NKD1: variants seen among roughly 807,000 people sequenced by gnomAD.
NKD1 encodes the protein protein naked cuticle homolog 1.
In NKD1, 21 loss-of-function variants were observed where a neutral mutation model predicts 56.0. The ratio of observed to expected loss-of-function variants is 0.38; its 90% CI spans 0.27 to 0.54. The LOEUF (loss-of-function observed/expected upper bound fraction) is 0.54, where lower values mean the gene tolerates loss of function less well. Among genes scored for constraint, NKD1 ranks in the 20% least tolerant of loss-of-function variants. NKD1 has a pLI of 0.82. For synonymous variants in NKD1, 263 were observed against 265.7 expected, an observed-to-expected ratio of 0.99 and a Z score of 0.10; for missense variants, 578 against 642.7, an observed-to-expected ratio of 0.90 and a Z score of 1.09.
intron 4 of NKD1, among the ~76,000 whole-genome samples, chr16:50,613,394 TG>T (rs1961890928): frequency 6.6e-6 from 1 of 151,824 alleles, no homozygotes; most frequent in African/African-American, 2.4e-5. Context: ...CCAGGAAGGC[TG>T]GGAGGAAGAG....
In NKD1 at chr16:50,644,254, T is replaced by C. The variant is rs529675737; in HGVS notation, c.*10473T>C. 8.5e-5 allele frequency: 13 copies of C among 152,344 alleles called. No individual in the cohort carries two copies. The highest frequency in any genetic ancestry group is 1.6e-4 in the Non-Finnish European group (11 of 68,022). 9.4% of individuals were successfully genotyped at this position (152,344 alleles called of 1,614,324 possible). A position where few individuals can be genotyped will look rare whatever the true frequency, so the allele number is the denominator to read the frequency against. ...GTATGTACTTATCTATGCCTCTAAT[T>C]ATTTGGTTTCCACCAAAGCACTTGT... On this transcript the variant is annotated 3_prime_UTR_variant, in exon 10 of 10. Transcript: ENST00000268459.
At chr16:50,626,487 T>C (rs930742394) in intron 6 of NKD1, among the ~76,000 whole-genome samples, 7 of 151,972 alleles carry the variant, frequency 4.6e-5, no homozygotes, top group African/African-American at 1.7e-4. Context: ...AGCTGAGACA[T>C]GCAGCATGCA....
At chr16:50,548,876 C>G (rs1960301781) in intron 2 of NKD1, 127 bp downstream of exon 2, 1 of 1,156,864 alleles carries the variant, frequency 8.6e-7, no homozygotes, top group South Asian at 2.3e-5. Flanking sequence ...GCCACCGGCC[C>G]CCCAAGCCCG....
Position 50,633,080 on chromosome 16 carries a change from T to TG in NKD1, c.824-106dup. ...AGGCAGTGAGGGGCAGTCAGGGCATTGGGGGGTAGCTCTGGTTTTGGAGAA... is the reference window on the plus strand; with the variant it reads ...AGGCAGTGAGGGGCAGTCAGGGCATTGGGGGGGTAGCTCTGGTTTTGGAGAA... On this transcript the variant is annotated intron_variant, in intron 9 of 9. Transcript: ENST00000268459. This position sits in a 1 kb window ranked among gnomAD's most constrained non-coding sequence, Gnocchi z 4.9. 1.0e-6 allele frequency: 1 copy of TG among 966,950 alleles called. No homozygotes were observed. Among genetic ancestry groups the TG allele is most frequent in the Non-Finnish European group, 1.5e-6 (1 of 674,934 alleles). The allele number at this position is 966,950 out of a possible 1,614,324, so 59.9% of individuals were successfully genotyped here.
At chr16:50,574,831 C>T in intron 3 of NKD1, 1 of 985,438 alleles carries the variant, frequency 1.0e-6, no homozygotes, top group Non-Finnish European at 1.2e-6. Flanking sequence ...AAACCAAATA[C>T]ATGAAACCAA....
At chr16:50,627,478 C>T (rs745633698) in intron 6 of NKD1, among the ~76,000 whole-genome samples, 8 of 152,168 alleles carry the variant, frequency 5.3e-5, no homozygotes, top group East Asian at 1.9e-4. Context: ...TTCCTCCCAC[C>T]GAGGAGCCAG....
intron 5 of NKD1, among the ~76,000 whole-genome samples, chr16:50,622,188 C>T (rs896842656): frequency 6.6e-6 from 1 of 152,186 alleles, no homozygotes; most frequent in Admixed American, 6.5e-5. Flanking sequence ...GGATGTGCCT[C>T]CGTGTGGCTC....
At chr16:50,599,537 T>G (rs547788563) in intron 3 of NKD1, among the ~76,000 whole-genome samples, 5 of 152,228 alleles carry the variant, frequency 3.3e-5, no homozygotes, top group Non-Finnish European at 7.3e-5. Context: ...CTAGGGCTGC[T>G]GGGAGCACTT....
At chr16:50,549,276 C>T in intron 2 of NKD1, 146 bp from the exon 3 acceptor site, 1 of 989,790 alleles carries the variant, frequency 1.0e-6, no homozygotes, top group Non-Finnish European at 1.5e-6. Flanking sequence ...GCGTCCCTCT[C>T]TTGGCTCCTG....
chr16:50,601,684 A>G (rs950916368), intron 3 of NKD1, among the ~76,000 whole-genome samples: 3 of 152,170 alleles, frequency 2.0e-5, no homozygotes, highest in Non-Finnish European at 2.9e-5. Flanking sequence ...GAGGGTTCCA[A>G]TTGGCTTGGC....
chr16:50,600,428 A>C (rs1396584500), intron 3 of NKD1, among the ~76,000 whole-genome samples: 2 of 151,990 alleles, frequency 1.3e-5, no homozygotes, highest in Non-Finnish European at 2.9e-5. Context: ...ATGCGACTGC[A>C]CTCCATCCTG....
rs575195522 is a variant in NKD1 at position 50,551,348 on chromosome 16, C to T, written c.192+1793C>T. 3.2e-3 allele frequency among the ~76,000 whole-genome samples: 487 copies of T among 152,298 alleles called. 1 individual carries two copies. Among genetic ancestry groups the T allele is most frequent in the Non-Finnish European group, 5.4e-3 (370 of 68,032 alleles). ...ACAGCATGGGATGGTGCCTGTCCCC[C>T]TCTCTCCCTCACCCCCTCTCTCAGA... On this transcript the variant is annotated intron_variant, in intron 3 of 9. Transcript: ENST00000268459.
intron 3 of NKD1, among the ~76,000 whole-genome samples, chr16:50,581,699 C>A (rs1235920984): frequency 6.6e-6 from 1 of 152,172 alleles, no homozygotes; most frequent in African/African-American, 2.4e-5. Flanking sequence ...GCCCTGAGTA[C>A]TTTTGGGGCT....
rs191843147 is a variant in NKD1 at position 50,550,076 on chromosome 16, A to G, written c.192+521A>G. ...AGATCTAGGGGGACTGAGACCTGGA[A>G]GACCCCTTACTTGGCATATGAGATA... On this transcript the variant is annotated intron_variant, in intron 3 of 9. Coordinates refer to ENST00000268459, the MANE Select transcript of NKD1 (RefSeq NM_033119.5). 2.6e-3 allele frequency among the ~76,000 whole-genome samples: 400 copies of G among 152,086 alleles called. 3 individuals are homozygous for G. Among genetic ancestry groups the G allele is most frequent in the Non-Finnish European group, 4.0e-3 (270 of 67,984 alleles).
At chr16:50,610,763 G>A (rs1217418813) in intron 4 of NKD1, among the ~76,000 whole-genome samples, 2 of 152,212 alleles carry the variant, frequency 1.3e-5, no homozygotes, top group Non-Finnish European at 2.9e-5. Flanking sequence ...CCCTAATCCA[G>A]CATCTTAACC....
intron 6 of NKD1, among the ~76,000 whole-genome samples, chr16:50,625,899 C>T (rs770697638): frequency 2.6e-5 from 4 of 152,360 alleles, no homozygotes; most frequent in South Asian, 2.1e-4. Context: ...AGGCCCTAAC[C>T]GAGTCCTGTC....
At chr16:50,630,159 A>T in intron 6 of NKD1, 27 bp from the exon 7 acceptor site, 2 of 1,611,336 alleles carry the variant, frequency 1.2e-6, no homozygotes, top group Non-Finnish European at 1.7e-6. Context: ...GAAACCCTGC[A>T]TGGGTCTCCG....
chr16:50,571,596 G>T, intron 3 of NKD1: 2 of 907,752 alleles, frequency 2.2e-6, no homozygotes, highest in Non-Finnish European at 2.6e-6. Context: ...GCATCCTGGG[G>T]GGTCATTCCT....
At position 50,636,271 on chromosome 16, in the gene NKD1, G is replaced by T. The variant is rs745230; in HGVS notation, c.*2490G>T. 1.3e-5 allele frequency: 2 copies of T among 152,016 alleles called. No homozygotes were observed. The highest frequency in any genetic ancestry group is 4.8e-5 in the African/African-American group (2 of 41,334). The allele number at this position is 152,016 out of a possible 1,614,324, so 9.4% of individuals were successfully genotyped here. The stretch of plus-strand genomic sequence containing the variant: ...TTGCTGCAACCCTGGAGGCCAGCCC[G>T]GAGTTGAGACTACTGGTTTTAGAGC... On this transcript the variant is annotated 3_prime_UTR_variant, in exon 10 of 10. Transcript: ENST00000268459.
Sources: gnomAD v4.1 joint callset for allele counts (sites outside exome capture counted in the v4.1 genomes callset) on GRCh38, gnomAD v4.1.1 for gene constraint, Gnocchi (gnomAD v3.1) non-coding constraint, MANE v1.5 for transcripts, NCBI Gene and HGNC (gene_info 2026-07-23, HGNC 2026-07-21) for gene names.